SRPK2: variants seen among roughly 807,000 people sequenced by gnomAD.
The protein encoded by SRPK2 is SFRS protein kinase 2.
SRPK2 carries 21 observed loss-of-function variants against 90.8 expected under a neutral mutation model. The ratio of observed to expected loss-of-function variants is 0.23; its 90% CI spans 0.16 to 0.33. The LOEUF is 0.33. Ranked by LOEUF, SRPK2 falls within the 10% of genes least tolerant of loss-of-function variation. The probability of loss-of-function intolerance (pLI) is 1.00; values close to 1 mark genes in which losing one functional copy is unlikely to be tolerated. For missense variants in SRPK2, 620 were observed against 869.0 expected (o/e 0.71, Z 3.60); for synonymous variants, 288 against 311.1 (o/e 0.93, Z 0.78).
chr7:105,170,918 GAAAGAA>G (rs1205991070), intron 3 of SRPK2, among the ~76,000 whole-genome samples: 1 of 73,312 alleles, frequency 1.4e-5, no homozygotes, highest in East Asian at 4.7e-4. Flanking sequence ...AAAGAAAGGA[GAAAGAA>G]AAAGAAAAAG....
At chr7:105,247,095 G>A (rs1485595176) in intron 2 of SRPK2, among the ~76,000 whole-genome samples, 1 of 152,172 alleles carries the variant, frequency 6.6e-6, no homozygotes, top group African/African-American at 2.4e-5. Context: ...ATGTGACCTA[G>A]AAATCCAAAC....
chr7:105,278,431 T>C (rs1480271333), intron 2 of SRPK2, among the ~76,000 whole-genome samples: 1 of 150,118 alleles, frequency 6.7e-6, no homozygotes. Context: ...CCCAGCACTT[T>C]GGGAGGCCAA....
At chr7:105,175,707 G>A (rs35338373) in intron 3 of SRPK2, among the ~76,000 whole-genome samples, 4,079 of 151,810 alleles carry the variant, frequency 0.027, 87 homozygotes, top group Non-Finnish European at 0.04. Flanking sequence ...TATTTTTGAG[G>A]TATTAAAAAG....
intron 15 of SRPK2, among the ~76,000 whole-genome samples, chr7:105,121,423 T>C (rs533772787): frequency 6.6e-6 from 1 of 152,138 alleles, no homozygotes; most frequent in East Asian, 1.9e-4. Flanking sequence ...TGTGTTTCAC[T>C]GAAACAAGTT....
intron 2 of SRPK2, among the ~76,000 whole-genome samples, chr7:105,350,575 G>A (rs549715080): frequency 7.0e-6 from 1 of 143,308 alleles, no homozygotes; most frequent in South Asian, 2.2e-4. Flanking sequence ...CCAGGCTGGA[G>A]TGCAGTGGCT....
At chr7:105,293,442 T>C (rs1033438045) in intron 2 of SRPK2, among the ~76,000 whole-genome samples, 2 of 124,876 alleles carry the variant, frequency 1.6e-5, no homozygotes, top group African/African-American at 7.1e-5. Context: ...ACAAATATCA[T>C]TTCCTTTTTT....
rs1491206792 is a variant in SRPK2, at chr7:105,245,033, A to AC, written c.72-41249_72-41248insG. 1,431 of 607,710 alleles carry AC rather than the reference A, an allele frequency of 2.4e-3. 4 individuals are homozygous for AC. The highest frequency in any genetic ancestry group is 2.5e-3 in the Middle Eastern group (6 of 2,388). 37.6% of individuals were successfully genotyped at this position (607,710 alleles called of 1,614,324 possible). A position where few individuals can be genotyped will look rare whatever the true frequency, so the allele number is the denominator to read the frequency against. On this transcript the variant is annotated intron_variant, in intron 2 of 15. Coordinates refer to ENST00000393651, the MANE Select transcript of SRPK2 (RefSeq NM_182692.3). ...CTTGAGAGGAAAAACAAAACAAAAC[A>AC]AACACACACACACACACACACACAC...
intron 2 of SRPK2, among the ~76,000 whole-genome samples, chr7:105,325,518 T>TCAAAAAAAAAA (rs1813468576): frequency 6.8e-6 from 1 of 147,354 alleles, no homozygotes; most frequent in Non-Finnish European, 1.5e-5. Flanking sequence ...TGTCCATTAT[T>TCAAAAAAAAAA]TAATGGCATC....
chr7:105,320,866 T>C (rs1417279269), intron 2 of SRPK2, among the ~76,000 whole-genome samples: 1 of 152,164 alleles, frequency 6.6e-6, no homozygotes, highest in Non-Finnish European at 1.5e-5. Flanking sequence ...AAGGTCTTGC[T>C]CTGTTGCCCA....
intron 2 of SRPK2, among the ~76,000 whole-genome samples, chr7:105,321,397 T>C (rs573935033): frequency 1.3e-5 from 2 of 152,288 alleles, no homozygotes; most frequent in South Asian, 4.1e-4. Flanking sequence ...AGGTAAATCT[T>C]CATGACCTTG....
At chr7:105,256,759 G>A (rs1279094448) in intron 2 of SRPK2, among the ~76,000 whole-genome samples, 2 of 152,078 alleles carry the variant, frequency 1.3e-5, no homozygotes, top group Admixed American at 6.5e-5. Context: ...ATTTCTACAC[G>A]GCAGCAATCA....
chr7:105,291,044 CAAAAAAA>C (rs10684672), intron 2 of SRPK2, among the ~76,000 whole-genome samples: 5 of 83,772 alleles, frequency 6.0e-5, no homozygotes, highest in African/African-American at 2.5e-4. Context: ...GACTCCGTCT[CAAAAAAA>C]AAAAAAAAAA....
At chr7:105,137,252 C>A (rs568603537) in intron 11 of SRPK2, among the ~76,000 whole-genome samples, 8 of 152,282 alleles carry the variant, frequency 5.3e-5, no homozygotes, top group African/African-American at 1.9e-4. Context: ...GAGAATGGGT[C>A]TGGAGCAGGC....
chr7:105,241,760 ACCAGCC>A (rs910954051), intron 2 of SRPK2, among the ~76,000 whole-genome samples: 1 of 152,172 alleles, frequency 6.6e-6, no homozygotes, highest in Admixed American at 6.5e-5. Context: ...ATATTTCATT[ACCAGCC>A]CAACTCTCAT....
intron 2 of SRPK2, among the ~76,000 whole-genome samples, chr7:105,229,822 G>C (rs770329795): frequency 1.3e-5 from 2 of 152,008 alleles, no homozygotes; most frequent in Non-Finnish European, 2.9e-5. Context: ...GGGGAATGGG[G>C]GTGGGATAAA....
At chr7:105,333,103 A>G (rs1045838336) in intron 2 of SRPK2, among the ~76,000 whole-genome samples, 3 of 152,178 alleles carry the variant, frequency 2.0e-5, no homozygotes, top group African/African-American at 7.2e-5. Flanking sequence ...CTGAGGCAGA[A>G]GAACAGCTTG....
intron 2 of SRPK2, among the ~76,000 whole-genome samples, chr7:105,342,859 A>G (rs1418557241): frequency 2.6e-5 from 4 of 152,336 alleles, no homozygotes; most frequent in East Asian, 1.9e-4. Context: ...TGGAATATAT[A>G]AAAGTCTAGA....
intron 2 of SRPK2, among the ~76,000 whole-genome samples, chr7:105,268,132 A>G (rs909576492): frequency 9.2e-5 from 14 of 152,266 alleles, no homozygotes; most frequent in African/African-American, 3.4e-4. Flanking sequence ...TTTTAATGAA[A>G]TATCTCTTTT....
rs180840944 is a variant in SRPK2, at chr7:105,255,248, C to T, written c.72-51463G>A. 1.1e-3 allele frequency among the ~76,000 whole-genome samples: 159 copies of T among 151,030 alleles called. 1 individual carries two copies. The highest frequency in any genetic ancestry group is 3.4e-3 in the Middle Eastern group (1 of 292). The stretch of plus-strand genomic sequence containing the variant: ...TGAAAAGAGCAATGTTAATTATTTC[C>T]TTAGTATGGCTGTCAAGAAGCTTAA... On this transcript the variant is annotated intron_variant, in intron 2 of 15. Transcript: ENST00000393651.
Sources: gnomAD v4.1 joint callset for allele counts (sites outside exome capture counted in the v4.1 genomes callset) on GRCh38, gnomAD v4.1.1 for gene constraint, MANE v1.5 for transcripts, NCBI Gene and HGNC (gene_info 2026-07-23, HGNC 2026-07-21) for gene names.